STOX2: variants seen among roughly 807,000 people sequenced by gnomAD.
The protein encoded by STOX2 is storkhead box 2.
A neutral mutation model predicts 60.9 loss-of-function variants in STOX2; 28 were observed. The observed-to-expected ratio is 0.46, with a 90% CI of 0.34 to 0.63. STOX2 has a LOEUF of 0.63. STOX2 is among the 30% of genes least tolerant of loss of function. STOX2 has a pLI of 0.01. For synonymous variants in STOX2, 472 were observed against 463.9 expected, an observed-to-expected ratio of 1.02 and a Z score of -0.22; for missense variants, 1,024 against 1,187.7, an observed-to-expected ratio of 0.86 and a Z score of 2.03.
Position 183,854,830 on chromosome 4 carries a change from T to G in STOX2, c.364+56775T>G, listed in dbSNP as rs569553825. 3.9e-5 allele frequency among the ~76,000 whole-genome samples: 6 copies of G among 152,342 alleles called. No individual in the cohort carries two copies. The South Asian group carries it at 1.2e-3, about 32-fold the overall frequency. Reference sequence around the variant, plus strand: ...TTAGTGCTTTTCTATCCAACACATATGGAAGATTGCTTATAAACAGGGAAT... The same window carrying G: ...TTAGTGCTTTTCTATCCAACACATAGGGAAGATTGCTTATAAACAGGGAAT... On this transcript the variant is annotated intron_variant, in intron 1 of 2. Transcript: ENST00000513034.
At chr4:183,973,130 T>A (rs1257096339) in intron 1 of STOX2, among the ~76,000 whole-genome samples, 1 of 152,130 alleles carries the variant, frequency 6.6e-6, no homozygotes, top group Non-Finnish European at 1.5e-5. Flanking sequence ...TGTCCAACAT[T>A]TGTGTAATCA....
intron 1 of STOX2, among the ~76,000 whole-genome samples, chr4:183,961,649 G>A (rs937201948): frequency 3.9e-5 from 6 of 152,314 alleles, no homozygotes; most frequent in Non-Finnish European, 5.9e-5. Context: ...CAGTGGTGAC[G>A]TCTGGGCTTT....
chr4:183,902,412 AG>A (rs1406350653), upstream of STOX2, among the ~76,000 whole-genome samples: 1 of 152,238 alleles, frequency 6.6e-6, no homozygotes, highest in African/African-American at 2.4e-5. Context: ...ACATTTTAAA[AG>A]CCCGATTAAA....
Position 183,906,639 on chromosome 4 carries a change from C to A in STOX2, c.-152C>A. ...TGGGGGGGCGTGGGGAGGGCCGGACCCGCCGCTGGCGGTGTAGACGCCGAC... is the reference window on the plus strand; with the variant it reads ...TGGGGGGGCGTGGGGAGGGCCGGACACGCCGCTGGCGGTGTAGACGCCGAC... On this transcript the variant is annotated 5_prime_UTR_variant, in exon 1 of 4. Coordinates refer to ENST00000308497, the MANE Select transcript of STOX2 (RefSeq NM_020225.3). 1.2e-6 allele frequency: 1 copy of A among 846,386 alleles called. No individual in the cohort carries two copies. The highest frequency in any genetic ancestry group is 1.8e-6 in the Non-Finnish European group (1 of 570,990). 52.4% of individuals were successfully genotyped at this position (846,386 alleles called of 1,614,324 possible).
intron 1 of STOX2, among the ~76,000 whole-genome samples, chr4:183,920,150 C>G (rs1056905630): frequency 6.6e-6 from 1 of 151,472 alleles, no homozygotes; most frequent in Non-Finnish European, 1.5e-5. Flanking sequence ...GGGTCTTGCT[C>G]TGTCACCCAG....
chr4:183,970,290 T>C (rs1252661130), intron 1 of STOX2, among the ~76,000 whole-genome samples: 12 of 152,054 alleles, frequency 7.9e-5, no homozygotes, highest in Admixed American at 7.9e-4. Context: ...TGTGGTATCA[T>C]TGACATCTGT....
chr4:184,010,824 T>A lies in STOX2; in HGVS notation c.1986T>A (p.Gly662=). The A allele has an allele frequency of 6.3e-7, 1 of 1,589,262 alleles. No individual in the cohort carries two copies. The highest frequency in any genetic ancestry group is 8.6e-7 in the Non-Finnish European group (1 of 1,167,984). Residue 662 remains glycine, a synonymous_variant, in exon 3 of 4, where the codon GGT becomes GGA. Transcript: ENST00000308497. The surrounding 1 kb of genome is among the most constrained non-coding windows in gnomAD (Gnocchi z 4.5). ...GHKEESPKGP[G]GGPAASGGVA... ...AGGAGGAGTCACCAAAAGGGCCGGGTGGGGGCCCCGCTGCTTCGGGAGGAG... is the reference window on the plus strand; with the variant it reads ...AGGAGGAGTCACCAAAAGGGCCGGGAGGGGGCCCCGCTGCTTCGGGAGGAG...
chr4:183,889,592 G>A (rs913190097), intron 1 of STOX2, among the ~76,000 whole-genome samples: 2 of 152,244 alleles, frequency 1.3e-5, no homozygotes, highest in Non-Finnish European at 2.9e-5. Flanking sequence ...AAAGCATGAA[G>A]TTAGCAAAGT....
At chr4:184,007,924 G>A (rs1471391113) in intron 2 of STOX2, among the ~76,000 whole-genome samples, 1 of 152,206 alleles carries the variant, frequency 6.6e-6, no homozygotes, top group Non-Finnish European at 1.5e-5. Flanking sequence ...ATATTTAAAA[G>A]AGTATTAGGA....
chr4:183,863,338 A>C (rs1372532918), intron 1 of STOX2, among the ~76,000 whole-genome samples: 1 of 152,190 alleles, frequency 6.6e-6, no homozygotes. Flanking sequence ...CAAGTTCTGG[A>C]GGTGCCACTT....
chr4:183,989,554 T>G (rs1002615462), intron 1 of STOX2, among the ~76,000 whole-genome samples: 4 of 152,208 alleles, frequency 2.6e-5, no homozygotes, highest in Admixed American at 2.6e-4. Context: ...TTGCATACTG[T>G]TTGGCCTGTT....
intron 1 of STOX2, among the ~76,000 whole-genome samples, chr4:183,984,198 C>G (rs999571113): frequency 6.6e-5 from 10 of 152,254 alleles, no homozygotes; most frequent in Non-Finnish European, 1.0e-4. Flanking sequence ...TATCCCTGCT[C>G]ATGGAGCTTA....
At chr4:183,817,327 C>T (rs771184368) in intron 1 of STOX2, among the ~76,000 whole-genome samples, 6 of 152,182 alleles carry the variant, frequency 3.9e-5, no homozygotes, top group Non-Finnish European at 7.3e-5. Context: ...GCCACACACC[C>T]GGAGGCGTGC....
At chr4:183,822,135 C>T (rs970136965) in intron 1 of STOX2, among the ~76,000 whole-genome samples, 1 of 152,204 alleles carries the variant, frequency 6.6e-6, no homozygotes, top group African/African-American at 2.4e-5. Flanking sequence ...ATCAAACCCC[C>T]ATAAGCCACA....
intron 1 of STOX2, among the ~76,000 whole-genome samples, chr4:183,890,456 CT>C (rs1741180430): frequency 7.3e-6 from 1 of 136,630 alleles, no homozygotes; most frequent in African/African-American, 2.7e-5. Context: ...GCACTCCAGC[CT>C]GGGCAACAGA....
chr4:183,831,116 G>A (rs928441956), intron 1 of STOX2, among the ~76,000 whole-genome samples: 6 of 152,064 alleles, frequency 3.9e-5, no homozygotes, highest in Non-Finnish European at 7.4e-5. Flanking sequence ...TTCCTGGTGG[G>A]TGTGGAGGCG....
intron 1 of STOX2, among the ~76,000 whole-genome samples, chr4:183,984,094 G>A (rs116675544): frequency 0.033 from 4,979 of 152,312 alleles, 94 homozygotes; most frequent in Admixed American, 0.068. Flanking sequence ...CCTCCCTGCA[G>A]GTCAGTCCTC....
chr4:183,918,771 T>G (rs1742005377), intron 1 of STOX2, among the ~76,000 whole-genome samples: 1 of 152,196 alleles, frequency 6.6e-6, no homozygotes. Flanking sequence ...ACTCTTCACA[T>G]GTGTTAATAT....
chr4:183,926,508 A>G (rs1742245745), intron 1 of STOX2, among the ~76,000 whole-genome samples: 1 of 152,236 alleles, frequency 6.6e-6, no homozygotes, highest in African/African-American at 2.4e-5. Context: ...GTGGTTGAAC[A>G]TTACTAGCTA....
Sources: allele counts gnomAD v4.1 joint callset (sites outside exome capture counted in the v4.1 genomes callset), GRCh38; gene constraint gnomAD v4.1.1; non-coding constraint Gnocchi (gnomAD v3.1); transcripts MANE v1.5; gene names NCBI Gene and HGNC (gene_info 2026-07-23, HGNC 2026-07-21).